The following PKP2 variants were observed in gnomAD, a reference collection of about 807,000 sequenced individuals.
The protein encoded by PKP2 is plakophilin-2.
A neutral mutation model predicts 83.4 loss-of-function variants in PKP2; 73 were observed. The ratio of observed to expected loss-of-function variants is 0.88; its 90% CI spans 0.72 to 1.06. The LOEUF is 1.06. Ranked by LOEUF, PKP2 falls within the 50% of genes least tolerant of loss-of-function variation. The pLI is 0.00. For synonymous variants in PKP2, 409 were observed against 430.4 expected, an observed-to-expected ratio of 0.95 and a Z score of 0.62; for missense variants, 966 against 1,065.4, an observed-to-expected ratio of 0.91 and a Z score of 1.30.
chr12:32,811,962 G>C (rs1169444335), intron 9 of PKP2, among the ~76,000 whole-genome samples: 3 of 152,108 alleles, frequency 2.0e-5, no homozygotes, highest in African/African-American at 7.2e-5. Context: ...GCAGGTCTTG[G>C]CTCCATGTGG....
At chr12:32,845,953 G>A (rs756360607) in intron 5 of PKP2, among the ~76,000 whole-genome samples, 6 of 151,834 alleles carry the variant, frequency 4.0e-5, no homozygotes, top group Non-Finnish European at 7.4e-5. Flanking sequence ...TTACGAATGC[G>A]GAATAAAATA....
intron 5 of PKP2, chr12:32,843,362 T>G (rs567717645): frequency 3.7e-6 from 5 of 1,347,398 alleles, no homozygotes; most frequent in Non-Finnish European, 5.0e-6. Context: ...GGCTCCTTTA[T>G]GAACACAGCA....
intron 1 of PKP2, among the ~76,000 whole-genome samples, chr12:32,888,092 G>A (rs1218891201): frequency 2.0e-5 from 3 of 152,160 alleles, no homozygotes; most frequent in African/African-American, 7.2e-5. Flanking sequence ...TGAGGTGAGA[G>A]AATGGCTTGA....
At chr12:32,797,127 T>C (rs1956133232) in intron 10 of PKP2, among the ~76,000 whole-genome samples, 1 of 152,042 alleles carries the variant, frequency 6.6e-6, no homozygotes, top group Non-Finnish European at 1.5e-5. Flanking sequence ...GAAAAATCAG[T>C]ATATTTATAT....
At chr12:32,889,648 A>G (rs1331573552) in intron 1 of PKP2, among the ~76,000 whole-genome samples, 4 of 152,240 alleles carry the variant, frequency 2.6e-5, no homozygotes, top group African/African-American at 9.6e-5. Context: ...CTAAAATGTG[A>G]GTATGATAGT....
intron 9 of PKP2, among the ~76,000 whole-genome samples, chr12:32,814,568 T>C (rs1049905295): frequency 2.0e-5 from 3 of 152,180 alleles, no homozygotes; most frequent in African/African-American, 7.2e-5. Context: ...CCTCAAGTTA[T>C]CAATTCTCTC....
At chr12:32,792,810 C>A (rs752023880) in intron 11 of PKP2, 79 bp from the exon 12 acceptor site, 2 of 1,070,022 alleles carry the variant, frequency 1.9e-6, no homozygotes, top group East Asian at 4.7e-5. Context: ...TCTGTAAGAC[C>A]TCTTCGCTCC....
intron 7 of PKP2, among the ~76,000 whole-genome samples, chr12:32,823,422 C>CAA (rs34680115): frequency 0.013 from 1,060 of 84,088 alleles, 15 homozygotes; most frequent in African/African-American, 0.032. Flanking sequence ...ACTCTGCCTC[C>CAA]AAAAAAAAAA....
At position 32,878,134 on chromosome 12, in the gene PKP2, C is replaced by T. The variant is rs1085307949; in HGVS notation, c.746G>A (p.Ser249Asn). 58 of 1,614,136 alleles carry T rather than the reference C, an allele frequency of 3.6e-5. No homozygotes were observed. Among genetic ancestry groups the T allele is most frequent in the Middle Eastern group, 1.6e-4 (1 of 6,082 alleles). Residue 249 changes from serine to asparagine, a missense_variant, in exon 3 of 13, where the codon AGC becomes AAC. Coordinates refer to ENST00000340811, the MANE Select transcript of PKP2 (RefSeq NM_001005242.3). Reference protein sequence around the residue: ...ALLTYPRPGTSRSMGNLLEKE... With the variant: ...ALLTYPRPGTNRSMGNLLEKE... ...CTCCAAGAGGTTGCCCATGCTGCGGCTGGTCCCTGGCCTGGGGTACGTGAG... is the reference window on the plus strand; with the variant it reads ...CTCCAAGAGGTTGCCCATGCTGCGGTTGGTCCCTGGCCTGGGGTACGTGAG...
At chr12:32,887,007 G>GA (rs772637129) in intron 1 of PKP2, among the ~76,000 whole-genome samples, 44 of 140,264 alleles carry the variant, frequency 3.1e-4, no homozygotes, top group Middle Eastern at 3.5e-3. Flanking sequence ...TCTCAAAAAG[G>GA]AAAAAAAAAA....
At chr12:32,854,409 T>G (rs1305011120) in intron 4 of PKP2, among the ~76,000 whole-genome samples, 1 of 152,210 alleles carries the variant, frequency 6.6e-6, no homozygotes, top group Admixed American at 6.5e-5. Context: ...AAAAATAGAT[T>G]TTAGTTACTT....
Position 32,885,660 on chromosome 12 carries a change from T to TTC in PKP2, c.224-6629_224-6628insGA, listed in dbSNP as rs1555148840. ...GCCTGGGCAACAGAGCAAGATTCCG[T>TTC]CCCCCCCCCAAAAAAAAAACTAAGT... is the stretch of plus-strand genomic sequence containing the variant. On this transcript the variant is annotated intron_variant, in intron 1 of 12. Transcript: ENST00000340811. Among the ~76,000 whole-genome samples, 16 of 144,138 alleles carry TTC rather than the reference T, an allele frequency of 1.1e-4. No individual in the cohort carries two copies. In the East Asian group the frequency reaches 3.0e-3, roughly 27 times the overall value. 94.6% of individuals were successfully genotyped at this position (144,138 alleles called of 152,430 possible).
intron 5 of PKP2, among the ~76,000 whole-genome samples, 193 bp downstream of exon 5, chr12:32,850,573 A>C (rs1005003443): frequency 6.6e-6 from 1 of 152,100 alleles, no homozygotes; most frequent in Non-Finnish European, 1.5e-5. Context: ...CTCAAAAAAA[A>C]AAAAAAGGAA....
chr12:32,826,983 C>T (rs954173466), intron 6 of PKP2, among the ~76,000 whole-genome samples: 20 of 152,352 alleles, frequency 1.3e-4, no homozygotes, highest in African/African-American at 4.8e-4. Flanking sequence ...ATGTCCCCAA[C>T]TACATGATGT....
intron 5 of PKP2, 121 bp from the exon 6 acceptor site, chr12:32,841,326 T>G (rs1592746547): frequency 2.0e-5 from 15 of 759,622 alleles, no homozygotes; most frequent in Admixed American, 2.1e-5. Context: ...TTTGGGGGGT[T>G]GGGGGGCCAG....
Position 32,896,723 on chromosome 12 carries a change from G to A in PKP2, c.9C>T (p.Ala3=). ...AGCCGTACTCAGCTGGGGCGCCGGG[G>A]GCTGCCATGGGGCCGGTGGGGGCGA... MA[A]PGAPAEYGYI... Residue 3 remains alanine (A), a synonymous_variant, in exon 1 of 13, where the codon GCC becomes GCT. Transcript: ENST00000340811. The A allele has an allele frequency of 6.2e-6, 9 of 1,461,728 alleles. No individual in the cohort carries two copies. Among genetic ancestry groups the A allele is most frequent in the Non-Finnish European group, 8.1e-6 (9 of 1,107,380 alleles). 90.5% of individuals were successfully genotyped at this position (1,461,728 alleles called of 1,614,324 possible).
In PKP2 at chr12:32,850,589, A is replaced by T. The variant is rs73303639; in HGVS notation, c.1378+177T>A. Among the ~76,000 whole-genome samples the T allele has an allele frequency of 0.019, 2,838 of 152,030 alleles. 65 individuals carry two copies. Among genetic ancestry groups the T allele is most frequent in the African/African-American group, 0.065 (2,692 of 41,448 alleles). On this transcript the variant is annotated intron_variant, in intron 5 of 12. Coordinates refer to ENST00000340811, the MANE Select transcript of PKP2 (RefSeq NM_001005242.3). ...TCAAAAAAAAAAAAAAGGAATTCGA[A>T]TGTGGCTCAAATCTGGAGTCTAAGC...
chr12:32,833,257 T>G (rs1956516610), intron 6 of PKP2, among the ~76,000 whole-genome samples: 1 of 151,792 alleles, frequency 6.6e-6, no homozygotes, highest in Admixed American at 6.6e-5. Flanking sequence ...AATAAACAAA[T>G]AAATAATACA....
intron 5 of PKP2, chr12:32,843,380 C>T: frequency 1.6e-6 from 2 of 1,269,458 alleles, no homozygotes; most frequent in Non-Finnish European, 2.1e-6. Flanking sequence ...GCAAATGTGG[C>T]AGACTTGGCT....
Sources: allele counts gnomAD v4.1 joint callset (sites outside exome capture counted in the v4.1 genomes callset), GRCh38; gene constraint gnomAD v4.1.1; transcripts MANE v1.5; gene names NCBI Gene and HGNC (gene_info 2026-07-23, HGNC 2026-07-21).